The following HSD17B4 variants were observed in gnomAD, a reference collection of about 807,000 sequenced individuals.
HSD17B4 encodes peroxisomal multifunctional enzyme type 2.
In HSD17B4, 70 loss-of-function variants were observed where a neutral mutation model predicts 101.0. The ratio of observed to expected loss-of-function variants is 0.69; its 90% confidence interval spans 0.57 to 0.85. The LOEUF (loss-of-function observed/expected upper bound fraction) is 0.85. HSD17B4 is among the 40% of genes least tolerant of loss of function. HSD17B4 has a pLI of 0.00. For missense variants in HSD17B4, 984 were observed against 892.4 expected (o/e 1.10, Z -1.31); for synonymous variants, 347 against 297.1 (o/e 1.17, Z -1.73).
chr5:119,457,213 G>GAT (rs1427393717), intron 2 of HSD17B4, among the ~76,000 whole-genome samples: 4 of 152,312 alleles, frequency 2.6e-5, no homozygotes, highest in Middle Eastern at 3.4e-3. Context: ...TAAGTGCAGG[G>GAT]GGATATGTAG....
chr5:119,520,328 C>T (rs1419358673), intron 17 of HSD17B4, among the ~76,000 whole-genome samples: 1 of 152,078 alleles, frequency 6.6e-6, no homozygotes, highest in Non-Finnish European at 1.5e-5. Flanking sequence ...GGCTGGGGTG[C>T]TTCGAATCTT....
At chr5:119,535,256 A>G (rs1754437672) in intron 22 of HSD17B4, among the ~76,000 whole-genome samples, 1 of 149,526 alleles carries the variant, frequency 6.7e-6, no homozygotes, top group Admixed American at 6.7e-5. Flanking sequence ...TTGATGCAGT[A>G]TGTTAGCTAA....
Position 119,541,951 on chromosome 5 carries a change from G to A in HSD17B4, c.2168G>A (p.Ser723Asn). 6.2e-7 allele frequency: 1 copy of A among 1,613,244 alleles called. No individual in the cohort carries two copies. The highest frequency in any genetic ancestry group is 8.5e-7 in the Non-Finnish European group (1 of 1,179,534). Reference sequence around the variant, plus strand: ...AAGGCCAGAGGGAACATCATGCTGAGCCAGAAACTTCAGATGATTCTTAAA... The same window carrying A: ...AAGGCCAGAGGGAACATCATGCTGAACCAGAAACTTCAGATGATTCTTAAA... ...RLKARGNIML[S>N]QKLQMILKDY... The change falls in exon 24 of 24, where the codon AGC (serine) becomes AAC (asparagine). Residue 723 changes from serine to asparagine, a missense_variant. Ser to Asn is a conservative substitution (Grantham distance 46, BLOSUM62 1). Coordinates refer to ENST00000510025, the MANE Select transcript of HSD17B4 (RefSeq NM_000414.4).
At chr5:119,534,509 G>C (rs948442379) in intron 22 of HSD17B4, among the ~76,000 whole-genome samples, 3 of 152,006 alleles carry the variant, frequency 2.0e-5, no homozygotes, top group South Asian at 4.1e-4. Flanking sequence ...GCATTCTTTT[G>C]ATACCAGAAT....
Position 119,499,562 on chromosome 5 carries a change from A to G in HSD17B4, c.1209+9A>G. 6.6e-7 allele frequency: 1 copy of G among 1,505,764 alleles called. No homozygotes were observed. Among genetic ancestry groups the G allele is most frequent in the Non-Finnish European group, 9.2e-7 (1 of 1,081,396 alleles). 93.3% of individuals were successfully genotyped at this position (1,505,764 alleles called of 1,614,324 possible). A position where few individuals can be genotyped will look rare whatever the true frequency, so the allele number is the denominator to read the frequency against. On this transcript the variant is annotated intron_variant, in intron 13 of 23. Coordinates refer to ENST00000510025, the MANE Select transcript of HSD17B4 (RefSeq NM_000414.4). ...CAATCAACTTTGCAAAGGTATGCCT[A>G]ATAAAAAACCTTTATTTTGCTTTTC...
intron 13 of HSD17B4, among the ~76,000 whole-genome samples, chr5:119,500,512 T>C (rs1350263553): frequency 1.3e-5 from 2 of 152,120 alleles, no homozygotes; most frequent in African/African-American, 4.8e-5. Flanking sequence ...TAAATATGTT[T>C]GAGGTGTCTG....
Position 119,541,973 on chromosome 5 carries a change from TA to T in HSD17B4, c.2193del (p.Asp732ThrfsTer33). 1 of 1,612,160 alleles carries T rather than the reference TA, an allele frequency of 6.2e-7. No individual in the cohort carries two copies. The highest frequency in any genetic ancestry group is 8.5e-7 in the Non-Finnish European group (1 of 1,178,460). ...MLSQKLQMILKDYAKL is the reference protein window; with the variant it reads ...MLSQKLQMILXDYAKL ...TGAGCCAGAAACTTCAGATGATTCT[TA>T]AAGACTACGCCAAGCTCTGAAGGGC... On this transcript the variant is annotated frameshift_variant, in exon 24 of 24. Transcript: ENST00000510025. LOFTEE classifies it high-confidence loss of function.
chr5:119,518,764 A>G (rs1752866888), intron 17 of HSD17B4, among the ~76,000 whole-genome samples: 1 of 152,098 alleles, frequency 6.6e-6, no homozygotes, highest in Non-Finnish European at 1.5e-5. Flanking sequence ...AACTGGCAAT[A>G]TATATTTTTA....
At chr5:119,515,083 G>C in intron 17 of HSD17B4, 37 bp downstream of exon 17, 1 of 1,129,486 alleles carries the variant, frequency 8.9e-7, no homozygotes, top group Non-Finnish European at 1.4e-6. Flanking sequence ...AAATCCACCT[G>C]GTTGATGACA....
chr5:119,525,407 A>G (rs1298164004), intron 18 of HSD17B4, 122 bp downstream of exon 18: 4 of 702,680 alleles, frequency 5.7e-6, no homozygotes, highest in South Asian at 3.0e-5. Flanking sequence ...ATGTTATTTT[A>G]TTTATTACAT....
At chr5:119,466,582 G>A (rs768505736) in intron 2 of HSD17B4, among the ~76,000 whole-genome samples, 45 of 152,166 alleles carry the variant, frequency 3.0e-4, no homozygotes, top group Admixed American at 1.1e-3. Flanking sequence ...GTTTGTTGGC[G>A]TAGAGTTGTT....
chr5:119,537,693 G>T (rs548847141), intron 23 of HSD17B4, among the ~76,000 whole-genome samples: 2 of 152,248 alleles, frequency 1.3e-5, no homozygotes, highest in African/African-American at 4.8e-5. Flanking sequence ...TAGGCTTTGT[G>T]GGCAAGATGG....
At chr5:119,459,816 T>C (rs1755033879) in intron 2 of HSD17B4, among the ~76,000 whole-genome samples, 1 of 152,096 alleles carries the variant, frequency 6.6e-6, no homozygotes, top group Admixed American at 6.5e-5. Context: ...AATAGATTAA[T>C]GCATTTATAA....
chr5:119,538,542 C>T (rs1161899238), intron 23 of HSD17B4, among the ~76,000 whole-genome samples: 1 of 152,134 alleles, frequency 6.6e-6, no homozygotes, highest in Non-Finnish European at 1.5e-5. Flanking sequence ...AAAAAATCTC[C>T]AGCATTTCCT....
At chr5:119,473,599 G>A (rs183239936) in intron 2 of HSD17B4, among the ~76,000 whole-genome samples, 4 of 152,070 alleles carry the variant, frequency 2.6e-5, no homozygotes, top group African/African-American at 7.2e-5. Context: ...GTGGAATTAC[G>A]GGTATAAGCC....
chr5:119,518,283 G>A (rs1183637848), intron 17 of HSD17B4, among the ~76,000 whole-genome samples: 3 of 151,886 alleles, frequency 2.0e-5, no homozygotes, highest in African/African-American at 7.3e-5. Context: ...CACCGCGAAG[G>A]TCTGCAGCTT....
chr5:119,470,725 C>G (rs257973), intron 2 of HSD17B4, among the ~76,000 whole-genome samples: 2 of 152,058 alleles, frequency 1.3e-5, no homozygotes, highest in African/African-American at 4.8e-5. Context: ...CTTAGACATT[C>G]TACCTGAAGT....
At chr5:119,519,994 C>A (rs1373707761) in intron 17 of HSD17B4, among the ~76,000 whole-genome samples, 1 of 152,140 alleles carries the variant, frequency 6.6e-6, no homozygotes, top group Non-Finnish European at 1.5e-5. Context: ...TGAACTTTTT[C>A]TCTAGGCTAC....
In HSD17B4 at chr5:119,526,105, T is replaced by C. The variant is rs150984278; in HGVS notation, c.1680+82T>C. ...AGAAAAGGGGTTTTAGTGATTTAAT[T>C]GAAAATAGATATTGTACTACAGCAA... On this transcript the variant is annotated intron_variant, in intron 19 of 23. Coordinates refer to ENST00000510025, the MANE Select transcript of HSD17B4 (RefSeq NM_000414.4). 605 of 824,340 alleles carry C rather than the reference T, an allele frequency of 7.3e-4. 3 individuals carry two copies. In the African/African-American group the frequency reaches 8.8e-3, roughly 12 times the overall value. 51.1% of individuals were successfully genotyped at this position (824,340 alleles called of 1,614,324 possible).
Sources: gnomAD v4.1 joint callset for allele counts (sites outside exome capture counted in the v4.1 genomes callset) on GRCh38, gnomAD v4.1.1 for gene constraint, MANE v1.5 for transcripts, NCBI Gene and HGNC (gene_info 2026-07-23, HGNC 2026-07-21) for gene names.